Variants in NCAM2 observed in about 807,000 individuals in gnomAD.
The protein encoded by NCAM2 is neural cell adhesion molecule 2.
Under a neutral mutation model 98.1 loss-of-function variants are expected in NCAM2, and 30 were observed. The observed-to-expected ratio is 0.31, with a 90% CI of 0.23 to 0.41. NCAM2 has a LOEUF of 0.41. NCAM2 is among the 10% of genes least tolerant of loss of function. NCAM2 has a pLI of 1.00. For missense variants in NCAM2, 867 were observed against 1,005.8 expected (o/e 0.86, Z 1.87); for synonymous variants, 368 against 342.4 (o/e 1.07, Z -0.83).
chr21:21,420,077 G>C (rs1408793950), intron 11 of NCAM2, among the ~76,000 whole-genome samples: 3 of 151,896 alleles, frequency 2.0e-5, no homozygotes, highest in African/African-American at 7.3e-5. Context: ...AGAGAATCCT[G>C]ATGAAAAAAT....
chr21:21,101,535 C>T (rs904096381), intron 1 of NCAM2, among the ~76,000 whole-genome samples: 1 of 152,054 alleles, frequency 6.6e-6, no homozygotes, highest in African/African-American at 2.4e-5. Flanking sequence ...TCACTACATA[C>T]TAGCTGTAAC....
chr21:21,275,394 C>G (rs1476561154), intron 1 of NCAM2, among the ~76,000 whole-genome samples: 1 of 151,602 alleles, frequency 6.6e-6, no homozygotes, highest in East Asian at 1.9e-4. Context: ...GAGCTGAGAT[C>G]ATGCCACTGC....
chr21:21,210,143 TC>T (rs2069593723), intron 1 of NCAM2, among the ~76,000 whole-genome samples: 1 of 152,240 alleles, frequency 6.6e-6, no homozygotes, highest in Non-Finnish European at 1.5e-5. Flanking sequence ...TACATTGTTT[TC>T]TGTTATCTCT....
rs566666854 is a variant in NCAM2 at position 21,334,679 on chromosome 21, A to G, written c.738-826A>G. The stretch of plus-strand genomic sequence containing the variant: ...AAGATGAATAAAATGAAAGGAGAAT[A>G]CACAATATAAAACGATTTCACAAAT... On this transcript the variant is annotated intron_variant, in intron 6 of 17. Coordinates refer to ENST00000400546, the MANE Select transcript of NCAM2 (RefSeq NM_004540.5). 3.1e-4 allele frequency among the ~76,000 whole-genome samples: 47 copies of G among 152,190 alleles called. No homozygotes were observed. The South Asian group carries it at 9.7e-3, about 31-fold the overall frequency.
chr21:21,080,102 A>G (rs558185719), intron 1 of NCAM2, among the ~76,000 whole-genome samples: 1 of 152,326 alleles, frequency 6.6e-6, no homozygotes, highest in Admixed American at 6.5e-5. Context: ...CAAAACAAAA[A>G]CAAAAGGGCA....
At chr21:21,068,126 CTTTTTTT>C (rs796900500) in intron 1 of NCAM2, among the ~76,000 whole-genome samples, 2 of 127,566 alleles carry the variant, frequency 1.6e-5, no homozygotes, top group Non-Finnish European at 3.2e-5. Context: ...AAAATAATGA[CTTTTTTT>C]TCTTTTTTTT....
At chr21:21,445,959 G>T (rs1412800690) in intron 12 of NCAM2, among the ~76,000 whole-genome samples, 1 of 152,154 alleles carries the variant, frequency 6.6e-6, no homozygotes, top group Non-Finnish European at 1.5e-5. Context: ...GGTTTTTGCA[G>T]TGGCTGGTAC....
chr21:21,245,680 A>G (rs73316802), intron 1 of NCAM2, among the ~76,000 whole-genome samples: 2,943 of 152,278 alleles, frequency 0.019, 97 homozygotes, highest in African/African-American at 0.067. Flanking sequence ...TAAACACCAA[A>G]GTTCATAAAC....
At chr21:21,448,869 G>C (rs1402814956) in intron 12 of NCAM2, among the ~76,000 whole-genome samples, 1 of 152,062 alleles carries the variant, frequency 6.6e-6, no homozygotes, top group Non-Finnish European at 1.5e-5. Context: ...AAAGGTTTCT[G>C]TATGTTAAAA....
intron 1 of NCAM2, among the ~76,000 whole-genome samples, chr21:21,244,250 G>A (rs2071176863): frequency 6.6e-6 from 1 of 151,972 alleles, no homozygotes; most frequent in East Asian, 1.9e-4. Context: ...GAAACCTTTT[G>A]TTGCTCCCAA....
intron 1 of NCAM2, among the ~76,000 whole-genome samples, chr21:21,176,734 T>C (rs2068302529): frequency 6.6e-6 from 1 of 151,968 alleles, no homozygotes; most frequent in Non-Finnish European, 1.5e-5. Context: ...AATAAAAATA[T>C]TATATATTTC....
intron 1 of NCAM2, among the ~76,000 whole-genome samples, chr21:21,238,474 G>T (rs1395857716): frequency 6.6e-6 from 1 of 152,002 alleles, no homozygotes; most frequent in East Asian, 1.9e-4. Context: ...GGAAATTACA[G>T]AAGCCCAAAT....
intron 8 of NCAM2, among the ~76,000 whole-genome samples, chr21:21,367,568 C>G (rs1213343381): frequency 6.6e-6 from 1 of 151,876 alleles, no homozygotes; most frequent in Non-Finnish European, 1.5e-5. Context: ...TATTATTTTA[C>G]TTTGAGATGG....
intron 1 of NCAM2, among the ~76,000 whole-genome samples, chr21:21,183,944 G>A (rs1290595024): frequency 6.6e-6 from 1 of 152,034 alleles, no homozygotes. Context: ...GTAAAGAGAT[G>A]GGATTGAATG....
chr21:21,441,562 G>T (rs992779651), intron 12 of NCAM2, among the ~76,000 whole-genome samples: 23 of 152,174 alleles, frequency 1.5e-4, no homozygotes, highest in Non-Finnish European at 2.9e-5. Context: ...GGATTCAGAT[G>T]ATTTTTATGC....
At chr21:21,035,369 A>G (rs765237040) in intron 1 of NCAM2, among the ~76,000 whole-genome samples, 18 of 152,320 alleles carry the variant, frequency 1.2e-4, no homozygotes, top group Non-Finnish European at 1.8e-4. Context: ...ATTGAATCCT[A>G]GATAAATCAG....
intron 1 of NCAM2, among the ~76,000 whole-genome samples, chr21:21,181,576 T>A (rs1261234803): frequency 6.6e-6 from 1 of 152,170 alleles, no homozygotes; most frequent in Non-Finnish European, 1.5e-5. Flanking sequence ...TGGCCACACA[T>A]CCTTCGTAGG....
At chr21:21,274,714 G>A (rs2072658581) in intron 1 of NCAM2, among the ~76,000 whole-genome samples, 1 of 152,092 alleles carries the variant, frequency 6.6e-6, no homozygotes, top group African/African-American at 2.4e-5. Context: ...CACTGTTAAT[G>A]TGGAAGCCTA....
At position 21,038,357 on chromosome 21, in the gene NCAM2, C is replaced by A. The variant is rs528672140; in HGVS notation, c.55+39739C>A. ...TATTTGTTGTTTAGAAAATGCAAAT[C>A]CTGGCTTTCTACTGTCACTCTTTGA... On this transcript the variant is annotated intron_variant, in intron 1 of 17. Coordinates refer to ENST00000400546, the MANE Select transcript of NCAM2 (RefSeq NM_004540.5). Among the ~76,000 whole-genome samples the A allele has an allele frequency of 6.6e-5, 10 of 152,218 alleles. No individual in the cohort carries two copies. The East Asian group carries it at 1.9e-3, about 29-fold the overall frequency.
Sources: gnomAD v4.1 joint callset for allele counts (sites outside exome capture counted in the v4.1 genomes callset) on GRCh38, gnomAD v4.1.1 for gene constraint, MANE v1.5 for transcripts, NCBI Gene and HGNC (gene_info 2026-07-23, HGNC 2026-07-21) for gene names.